ZMAT2: variants seen among roughly 807,000 people sequenced by gnomAD.
The protein encoded by ZMAT2 is zinc finger matrin-type protein 2.
In ZMAT2, 5 loss-of-function variants were observed where a neutral mutation model predicts 27.5. The ratio of observed to expected loss-of-function variants is 0.18; its 90% CI spans 0.10 to 0.38. ZMAT2 has a LOEUF of 0.38. ZMAT2 is among the 10% of genes least tolerant of loss of function. ZMAT2 has a pLI of 1.00. For synonymous variants in ZMAT2, 76 were observed against 78.6 expected, an observed-to-expected ratio of 0.97 and a Z score of 0.17; for missense variants, 124 against 243.9, an observed-to-expected ratio of 0.51 and a Z score of 3.27.
chr5:140,705,453 C>T (rs1426766524), intron 5 of ZMAT2, among the ~76,000 whole-genome samples, 160 bp from the exon 6 acceptor site: 1 of 152,064 alleles, frequency 6.6e-6, no homozygotes, highest in East Asian at 1.9e-4. Context: ...AGTTATATAA[C>T]CTCTTTGTGC....
rs2149862747 is a variant in ZMAT2 at position 140,705,857 on chromosome 5, C to G, written c.*101C>G. On this transcript the variant is annotated 3_prime_UTR_variant, in exon 6 of 6. Transcript: ENST00000274712. ...TTTCTTTTTGGGTAATGGGAAAGTTCTTAAGAGTGTCAATGGGGAGGGATA... is the reference window on the plus strand; with the variant it reads ...TTTCTTTTTGGGTAATGGGAAAGTTGTTAAGAGTGTCAATGGGGAGGGATA... 6.8e-7 allele frequency: 1 copy of G among 1,472,266 alleles called. No individual in the cohort carries two copies. Among genetic ancestry groups the G allele is most frequent in the East Asian group, 2.3e-5 (1 of 43,872 alleles). The allele number at this position is 1,472,266 out of a possible 1,614,324, so 91.2% of individuals were successfully genotyped here.
intron 1 of ZMAT2, 102 bp downstream of exon 1, chr5:140,700,580 C>G: frequency 6.3e-7 from 1 of 1,585,706 alleles, no homozygotes; most frequent in Non-Finnish European, 8.6e-7. Flanking sequence ...CCGATATCTC[C>G]TCGAGATCCC....
intron 4 of ZMAT2, 44 bp from the exon 5 acceptor site, chr5:140,704,382 G>A: frequency 6.4e-7 from 1 of 1,571,936 alleles, no homozygotes; most frequent in Non-Finnish European, 8.6e-7. Context: ...AGGGGCTGAG[G>A]ATGTTGTAAT....
At position 140,704,430 on chromosome 5, in the gene ZMAT2, G is replaced by C. The variant is rs1313537489; in HGVS notation, c.315G>C (p.Gln105His). ...TTCACTGTTGACCCTATGCAGATCA[G>C]AGAAACCTGGGCATGTCTATGCGTG... The part of the protein sequence containing the change: ...FLDHINGKKH[Q>H]RNLGMSMRVE... Residue 105 changes from glutamine (Q) to histidine (H), a missense_variant, in exon 5 of 6, where the codon CAG becomes CAC. Transcript: ENST00000274712. 2 of 1,613,284 alleles carry C rather than the reference G, an allele frequency of 1.2e-6. No homozygotes were observed. The highest frequency in any genetic ancestry group is 1.7e-6 in the Non-Finnish European group (2 of 1,179,722).
intron 1 of ZMAT2, 116 bp downstream of exon 1, chr5:140,700,594 G>T: frequency 6.4e-7 from 1 of 1,570,938 alleles, no homozygotes; most frequent in South Asian, 1.1e-5. Context: ...AGATCCCAGG[G>T]TTCAGGTTCA....
chr5:140,702,789 A>G (rs964490016), intron 3 of ZMAT2, among the ~76,000 whole-genome samples: 2 of 152,178 alleles, frequency 1.3e-5, no homozygotes, highest in Admixed American at 6.5e-5. Flanking sequence ...TTCCAAGACT[A>G]TAACCTATAG....
rs764295722 is a variant in ZMAT2 at position 140,704,502 on chromosome 5, CAAG to C, written c.395_397del (p.Lys132del). 3.1e-6 allele frequency: 5 copies of C among 1,613,824 alleles called. No individual in the cohort carries two copies. Among genetic ancestry groups the C allele is most frequent in the East Asian group, 2.2e-5 (1 of 44,876 alleles). The stretch of plus-strand genomic sequence containing the variant: ...AGGTGAAGAAACGTTTTGAGGTCAA[CAAG>C]AAGAAGATGGAAGAGAAGCAGAAGG... On this transcript the variant is annotated inframe_deletion, in exon 5 of 6. Coordinates refer to ENST00000274712, the MANE Select transcript of ZMAT2 (RefSeq NM_144723.3).
Position 140,704,407 on chromosome 5 carries a change from C to T in ZMAT2, c.311-19C>T. On this transcript the variant is annotated intron_variant, in intron 4 of 5. Coordinates refer to ENST00000274712, the MANE Select transcript of ZMAT2 (RefSeq NM_144723.3). ...GATGTTGTAATGAACTTGCCTTCTT[C>T]ACTGTTGACCCTATGCAGATCAGAG... The T allele has an allele frequency of 6.3e-7, 1 of 1,590,698 alleles. No homozygotes were observed. Among genetic ancestry groups the T allele is most frequent in the Non-Finnish European group, 8.5e-7 (1 of 1,170,074 alleles).
At chr5:140,703,832 G>C in intron 3 of ZMAT2, 86 bp from the exon 4 acceptor site, 3 of 1,267,144 alleles carry the variant, frequency 2.4e-6, no homozygotes, top group Middle Eastern at 1.9e-4. Flanking sequence ...CTAAAAAGAA[G>C]TTTACCTAAA....
intron 2 of ZMAT2, 131 bp downstream of exon 2, chr5:140,701,043 A>G: frequency 1.2e-6 from 1 of 828,264 alleles, no homozygotes; most frequent in South Asian, 1.8e-5. Flanking sequence ...CCCTGGGCCT[A>G]GGTTTCTGCA....
At chr5:140,704,734 T>A (rs185376225) in intron 5 of ZMAT2, among the ~76,000 whole-genome samples, 163 bp downstream of exon 5, 2 of 146,732 alleles carry the variant, frequency 1.4e-5, no homozygotes, top group East Asian at 3.9e-4. Context: ...AGGATTCTCA[T>A]GATCTGAAGG....
intron 3 of ZMAT2, among the ~76,000 whole-genome samples, chr5:140,703,141 G>C (rs1759994608): frequency 6.6e-6 from 1 of 152,110 alleles, no homozygotes; most frequent in Non-Finnish European, 1.5e-5. Flanking sequence ...CTTAAGTGGG[G>C]CTGGAAGATC....
At chr5:140,701,050 T>C in intron 2 of ZMAT2, 138 bp downstream of exon 2, 1 of 793,384 alleles carries the variant, frequency 1.3e-6, no homozygotes, top group Non-Finnish European at 2.0e-6. Flanking sequence ...CCTAGGTTTC[T>C]GCATTTACAA....
intron 5 of ZMAT2, among the ~76,000 whole-genome samples, chr5:140,705,380 T>A (rs1477968515): frequency 6.6e-6 from 1 of 151,784 alleles, no homozygotes; most frequent in Non-Finnish European, 1.5e-5. Context: ...AAGAGACCCA[T>A]GAAATCAGGC....
rs528600785 is a variant in ZMAT2, at chr5:140,705,958, T to A, written c.*202T>A. On this transcript the variant is annotated 3_prime_UTR_variant, in exon 6 of 6. Transcript: ENST00000274712. Reference sequence around the variant, plus strand: ...CAGAGGTAATGCTGTGGCATATTGCTTCTGCCTCAGTGTATCACTGGAGTC... The same window carrying A: ...CAGAGGTAATGCTGTGGCATATTGCATCTGCCTCAGTGTATCACTGGAGTC... The A allele has an allele frequency of 1.7e-6, 1 of 596,234 alleles. No homozygotes were observed. The highest frequency in any genetic ancestry group is 2.9e-5 in the East Asian group (1 of 34,126). 36.9% of individuals were successfully genotyped at this position (596,234 alleles called of 1,614,324 possible).
chr5:140,705,526 T>C (rs952034622), intron 5 of ZMAT2, 87 bp from the exon 6 acceptor site: 7 of 1,464,480 alleles, frequency 4.8e-6, no homozygotes, highest in Non-Finnish European at 5.5e-6. Context: ...TTCTGGCATG[T>C]ACTGCATGCC....
intron 2 of ZMAT2, 21 bp downstream of exon 2, chr5:140,700,933 G>A (rs750079714): frequency 6.2e-7 from 1 of 1,611,512 alleles, no homozygotes; most frequent in Admixed American, 1.7e-5. Flanking sequence ...ACTACATCAA[G>A]GGCTAAGGGT....
intron 5 of ZMAT2, 93 bp downstream of exon 5, chr5:140,704,664 C>T: frequency 7.3e-7 from 1 of 1,363,826 alleles, no homozygotes; most frequent in Non-Finnish European, 1.0e-6. Flanking sequence ...CCTACTCCCA[C>T]CCCCAGAGTT....
intron 3 of ZMAT2, 23 bp from the exon 4 acceptor site, chr5:140,703,895 C>G (rs1376663246): frequency 6.2e-7 from 1 of 1,607,170 alleles, no homozygotes; most frequent in Admixed American, 1.7e-5. Flanking sequence ...ATATTTGACT[C>G]AGGTGCTGTT....
Sources: allele counts gnomAD v4.1 joint callset (sites outside exome capture counted in the v4.1 genomes callset), GRCh38; gene constraint gnomAD v4.1.1; transcripts MANE v1.5; gene names NCBI Gene and HGNC (gene_info 2026-07-23, HGNC 2026-07-21).